The following R3HCC1L variants were observed in gnomAD, a reference collection of about 807,000 sequenced individuals.
The protein encoded by R3HCC1L is R3H domain and coiled-coil containing 1 like.
A neutral mutation model predicts 59.9 loss-of-function variants in R3HCC1L; 51 were observed. That is an observed-to-expected ratio of 0.85 (90% CI 0.68 to 1.07). R3HCC1L has a LOEUF of 1.07. Among genes scored for constraint, R3HCC1L ranks in the 50% least tolerant of loss-of-function variants. The probability of loss-of-function intolerance (pLI) is 0.00; values close to 1 mark genes in which losing one functional copy is unlikely to be tolerated. For synonymous variants in R3HCC1L, 322 were observed against 315.2 expected (o/e 1.02, Z -0.23); for missense variants, 965 against 933.0 (o/e 1.03, Z -0.45).
intron 4 of R3HCC1L, among the ~76,000 whole-genome samples, chr10:98,188,925 A>G (rs983347571): frequency 3.3e-5 from 5 of 152,154 alleles, no homozygotes; most frequent in Admixed American, 1.3e-4. Flanking sequence ...TAATAATTCT[A>G]CTTCATAGGG....
At chr10:98,187,847 C>G (rs921467479) in intron 4 of R3HCC1L, among the ~76,000 whole-genome samples, 1 of 150,962 alleles carries the variant, frequency 6.6e-6, no homozygotes, top group Non-Finnish European at 1.5e-5. Flanking sequence ...GGTGATCCTC[C>G]TACCTCAGCC....
intron 4 of R3HCC1L, among the ~76,000 whole-genome samples, chr10:98,170,462 T>C (rs1848410060): frequency 6.6e-6 from 1 of 152,110 alleles, no homozygotes; most frequent in African/African-American, 2.4e-5. Context: ...GGGTTACAGG[T>C]ATGTGCTACC....
chr10:98,170,310 A>G (rs1208029602), intron 4 of R3HCC1L, among the ~76,000 whole-genome samples: 1 of 151,804 alleles, frequency 6.6e-6, no homozygotes, highest in Non-Finnish European at 1.5e-5. Flanking sequence ...CTTTTCAGCT[A>G]TAAGCTTTTT....
At position 98,234,501 on chromosome 10, in the gene R3HCC1L, T is replaced by C. The variant is rs1856707521; in HGVS notation, c.2017T>C (p.Ser673Pro). ...VDDTHALGVF[S>P]SPITARDALG... ...TGATACACATGCCCTAGGAGTATTC[T>C]CCAGTCCAATTACAGGTATTCACCC... The change falls in exon 7 of 10, where the codon TCC (serine) becomes CCC (proline). Residue 673 changes from serine to proline, a missense_variant. Ser to Pro is a moderately conservative substitution (Grantham distance 74). Coordinates refer to ENST00000298999, the MANE Select transcript of R3HCC1L (RefSeq NM_001351015.2). 1 of 1,612,898 alleles carries C rather than the reference T, an allele frequency of 6.2e-7. No individual in the cohort carries two copies. Among genetic ancestry groups the C allele is most frequent in the South Asian group, 1.1e-5 (1 of 90,958 alleles).
chr10:98,204,919 A>G (rs1214052061), intron 4 of R3HCC1L, among the ~76,000 whole-genome samples: 1 of 152,064 alleles, frequency 6.6e-6, no homozygotes, highest in Non-Finnish European at 1.5e-5. Flanking sequence ...CGCAGATAAG[A>G]GTGGGGACTA....
chr10:98,143,204 A>G (rs984027969), intron 1 of R3HCC1L, among the ~76,000 whole-genome samples: 4 of 152,226 alleles, frequency 2.6e-5, no homozygotes. Flanking sequence ...TTTTTATCAC[A>G]TGAATCTTCC....
intron 4 of R3HCC1L, among the ~76,000 whole-genome samples, chr10:98,166,818 A>G (rs1847988457): frequency 6.6e-6 from 1 of 152,134 alleles, no homozygotes; most frequent in Non-Finnish European, 1.5e-5. Context: ...GGTGCGTGCC[A>G]CCATGCCTGG....
intron 1 of R3HCC1L, among the ~76,000 whole-genome samples, chr10:98,145,656 A>G (rs1845578811): frequency 6.6e-6 from 1 of 152,226 alleles, no homozygotes; most frequent in Admixed American, 6.5e-5. Flanking sequence ...AGAGCCACAT[A>G]AGAAAACCAT....
intron 4 of R3HCC1L, among the ~76,000 whole-genome samples, chr10:98,197,183 C>T (rs920241020): frequency 2.0e-5 from 3 of 149,124 alleles, no homozygotes; most frequent in South Asian, 2.2e-4. Context: ...CTCCTGACCT[C>T]GGATTACAGA....
chr10:98,193,216 G>A (rs1231281518), intron 4 of R3HCC1L, among the ~76,000 whole-genome samples: 1 of 151,862 alleles, frequency 6.6e-6, no homozygotes, highest in Non-Finnish European at 1.5e-5. Context: ...CAGGAACAAG[G>A]CAAGAATGCC....
At chr10:98,167,693 T>G (rs997862792) in intron 4 of R3HCC1L, among the ~76,000 whole-genome samples, 2 of 152,202 alleles carry the variant, frequency 1.3e-5, no homozygotes, top group African/African-American at 4.8e-5. Flanking sequence ...GCAGGGACTT[T>G]GAAATCCAAT....
intron 4 of R3HCC1L, among the ~76,000 whole-genome samples, chr10:98,191,122 G>A (rs961995885): frequency 6.6e-6 from 1 of 152,118 alleles, no homozygotes; most frequent in Non-Finnish European, 1.5e-5. Flanking sequence ...ATATGTGTGT[G>A]TGTGTCTTTA....
intron 4 of R3HCC1L, among the ~76,000 whole-genome samples, chr10:98,197,331 C>T (rs1851546374): frequency 6.6e-6 from 1 of 152,092 alleles, no homozygotes; most frequent in Non-Finnish European, 1.5e-5. Flanking sequence ...CTGGATTTCT[C>T]TTTTCCCTGA....
At chr10:98,236,848 A>G (rs1857023177) in intron 9 of R3HCC1L, among the ~76,000 whole-genome samples, 1 of 152,194 alleles carries the variant, frequency 6.6e-6, no homozygotes. Flanking sequence ...CTGGTGTGGC[A>G]CTTAAGTACT....
chr10:98,170,601 C>T (rs1026001214), intron 4 of R3HCC1L, among the ~76,000 whole-genome samples: 3 of 152,194 alleles, frequency 2.0e-5, no homozygotes, highest in Admixed American at 6.5e-5. Flanking sequence ...GCTGGGATTG[C>T]CTGCGTGAGC....
intron 1 of R3HCC1L, among the ~76,000 whole-genome samples, chr10:98,154,827 C>A (rs1042094196): frequency 6.6e-6 from 1 of 152,176 alleles, no homozygotes; most frequent in African/African-American, 2.4e-5. Flanking sequence ...CAAATTCACT[C>A]TTGTCAAATT....
At chr10:98,206,327 TAA>T (rs370980212) in intron 4 of R3HCC1L, among the ~76,000 whole-genome samples, 1,852 of 136,460 alleles carry the variant, frequency 0.014, 40 homozygotes, top group African/African-American at 0.046. Context: ...TTTGATTCTT[TAA>T]AAAAAAAAAA....
At chr10:98,138,979 T>A (rs1248424598) in intron 1 of R3HCC1L, among the ~76,000 whole-genome samples, 10 of 152,236 alleles carry the variant, frequency 6.6e-5, no homozygotes, top group Admixed American at 6.5e-5. Context: ...TTTTATTTTT[T>A]TTCTGAAAGG....
At chr10:98,210,530 T>C (rs1459093431) in intron 5 of R3HCC1L, among the ~76,000 whole-genome samples, 1 of 152,216 alleles carries the variant, frequency 6.6e-6, no homozygotes. Flanking sequence ...TTAATTTAAA[T>C]GTTTACTCTG....
Sources: gnomAD v4.1 joint callset for allele counts (sites outside exome capture counted in the v4.1 genomes callset) on GRCh38, gnomAD v4.1.1 for gene constraint, MANE v1.5 for transcripts, NCBI Gene and HGNC (gene_info 2026-07-23, HGNC 2026-07-21) for gene names.